Variants in RBFOX3 observed in about 807,000 individuals in gnomAD.
RBFOX3 encodes the protein RNA binding fox-1 homolog 3, also known as RNA binding protein fox-1 homolog 3.
A neutral mutation model predicts 48.7 loss-of-function variants in RBFOX3; 17 were observed. The observed-to-expected ratio is 0.35, with a 90% confidence interval of 0.24 to 0.52. RBFOX3 has a LOEUF of 0.52. Among genes scored for constraint, RBFOX3 ranks in the 20% least tolerant of loss-of-function variants. The pLI is 0.94. For missense variants in RBFOX3, 382 were observed against 497.5 expected, an observed-to-expected ratio of 0.77 and a Z score of 2.21; for synonymous variants, 212 against 209.5, an observed-to-expected ratio of 1.01 and a Z score of -0.10.
At chr17:79,258,153 A>G (rs980240007) in intron 3 of RBFOX3, among the ~76,000 whole-genome samples, 5 of 152,146 alleles carry the variant, frequency 3.3e-5, no homozygotes, top group African/African-American at 1.2e-4. Context: ...AGAAGAACCT[A>G]TTTCTGCTTT....
At chr17:79,328,648 T>G (rs2079716769) in intron 2 of RBFOX3, among the ~76,000 whole-genome samples, 2 of 152,160 alleles carry the variant, frequency 1.3e-5, no homozygotes, top group Non-Finnish European at 2.9e-5. Context: ...AGTGCACTTC[T>G]TGACAAGACC....
intron 4 of RBFOX3, among the ~76,000 whole-genome samples, chr17:79,151,442 CGAG>C (rs63146461): frequency 0.15 from 1,696 of 11,116 alleles, 100 homozygotes; most frequent in Middle Eastern, 0.27. Context: ...GGAGGGGAGG[CGAG>C]GATGGGAGGG....
chr17:79,408,602 C>T (rs2063863691), intron 2 of RBFOX3, among the ~76,000 whole-genome samples: 1 of 152,146 alleles, frequency 6.6e-6, no homozygotes, highest in Non-Finnish European at 1.5e-5. Flanking sequence ...TAAGGGGGTG[C>T]TGGATGGAAG....
the RBFOX3 span, among the ~76,000 whole-genome samples, chr17:79,649,902 G>A: frequency 6.6e-6 from 1 of 151,940 alleles, no homozygotes; most frequent in Admixed American, 6.6e-5. Flanking sequence ...CAGGGAGGGA[G>A]GCGCTACCCA....
chr17:79,625,848 C>T, the RBFOX3 span, among the ~76,000 whole-genome samples: 2 of 152,184 alleles, frequency 1.3e-5, no homozygotes, highest in African/African-American at 2.4e-5. Context: ...CACTCTCACT[C>T]GCCCACACAC....
At position 79,392,153 on chromosome 17, in the gene RBFOX3, C is replaced by T. The variant is rs1352395013; in HGVS notation, c.-174-84329G>A. ...CTCTGTGAAATGGAGCCAACAACAGCACATCACAGAGCTAACAGTAAAGAA... is the reference window on the plus strand; with the variant it reads ...CTCTGTGAAATGGAGCCAACAACAGTACATCACAGAGCTAACAGTAAAGAA... On this transcript the variant is annotated intron_variant, in intron 2 of 14. Transcript: ENST00000693108. The surrounding 1 kb of genome is among the most constrained non-coding windows in gnomAD (Gnocchi z 5.0). 6.6e-6 allele frequency among the ~76,000 whole-genome samples: 1 copy of T among 152,190 alleles called. No individual in the cohort carries two copies. Among genetic ancestry groups the T allele is most frequent in the Non-Finnish European group, 1.5e-5 (1 of 68,034 alleles).
At chr17:79,202,644 C>G (rs1041340390) in intron 4 of RBFOX3, among the ~76,000 whole-genome samples, 1 of 152,262 alleles carries the variant, frequency 6.6e-6, no homozygotes, top group Admixed American at 6.5e-5. Flanking sequence ...AGACACCACC[C>G]CAGTCCCACC....
the RBFOX3 span, among the ~76,000 whole-genome samples, chr17:79,656,733 GA>G: frequency 0.013 from 1,468 of 109,418 alleles, 21 homozygotes; most frequent in African/African-American, 0.032. Flanking sequence ...CAGAAAGAAA[GA>G]AAAGAAAGAA....
intron 8 of RBFOX3, among the ~76,000 whole-genome samples, chr17:79,102,178 G>A (rs969414787): frequency 1.3e-5 from 2 of 152,222 alleles, no homozygotes; most frequent in Admixed American, 6.5e-5. Flanking sequence ...AGGGAGGGGG[G>A]CTCTGGGCAC....
intron 1 of RBFOX3, among the ~76,000 whole-genome samples, chr17:79,597,042 C>G (rs1032728385): frequency 6.6e-6 from 1 of 152,162 alleles, no homozygotes; most frequent in Non-Finnish European, 1.5e-5. Flanking sequence ...CACCCCTGGC[C>G]GAGGCCTCCC....
chr17:79,335,627 G>A (rs888593562), intron 2 of RBFOX3, among the ~76,000 whole-genome samples: 4 of 152,160 alleles, frequency 2.6e-5, no homozygotes, highest in Non-Finnish European at 4.4e-5. Context: ...CCCAGCCTCC[G>A]CCATCTGGCT....
intron 1 of RBFOX3, among the ~76,000 whole-genome samples, chr17:79,594,404 T>C (rs2093511038): frequency 6.6e-6 from 1 of 152,142 alleles, no homozygotes; most frequent in Non-Finnish European, 1.5e-5. Context: ...AGGAAAGAGA[T>C]GGAAATGGCT....
chr17:79,651,094 G>A, the RBFOX3 span, among the ~76,000 whole-genome samples: 3 of 152,174 alleles, frequency 2.0e-5, no homozygotes, highest in South Asian at 2.1e-4. Flanking sequence ...CCAAACACAC[G>A]CACTGCAGGA....
chr17:79,476,752 A>AG (rs2077825762), intron 2 of RBFOX3, among the ~76,000 whole-genome samples: 1 of 152,122 alleles, frequency 6.6e-6, no homozygotes, highest in Non-Finnish European at 1.5e-5. Flanking sequence ...TGGCAGAATT[A>AG]GGGGGTCTGG....
chr17:79,100,007 G>A (rs1646243728), intron 9 of RBFOX3: 1 of 152,272 alleles, frequency 6.6e-6, no homozygotes, highest in African/African-American at 2.4e-5. Flanking sequence ...TCTGTGCCCA[G>A]GCTGATGAAG....
intron 1 of RBFOX3, among the ~76,000 whole-genome samples, chr17:79,555,737 T>G (rs2091687059): frequency 1.3e-5 from 2 of 152,354 alleles, no homozygotes; most frequent in Middle Eastern, 3.4e-3. Context: ...GTGATGGTGA[T>G]TATGATAGTA....
chr17:79,415,560 C>T (rs968527270), intron 2 of RBFOX3, among the ~76,000 whole-genome samples: 1 of 152,196 alleles, frequency 6.6e-6, no homozygotes, highest in Non-Finnish European at 1.5e-5. Context: ...TGCATGCAGG[C>T]AGCCCCAAGC....
the RBFOX3 span, among the ~76,000 whole-genome samples, chr17:79,658,204 G>T: frequency 6.6e-6 from 1 of 152,134 alleles, no homozygotes; most frequent in Non-Finnish European, 1.5e-5. Context: ...GAAGCATGGA[G>T]TCACTCTGTT....
At chr17:79,542,039 C>CTTT (rs34678698) in intron 1 of RBFOX3, among the ~76,000 whole-genome samples, 1 of 145,836 alleles carries the variant, frequency 6.9e-6, no homozygotes, top group Non-Finnish European at 1.5e-5. Context: ...GAGCGTCGAC[C>CTTT]TTTTTTTTTT....
Sources: gnomAD v4.1 joint callset for allele counts (sites outside exome capture counted in the v4.1 genomes callset) on GRCh38, gnomAD v4.1.1 for gene constraint, Gnocchi (gnomAD v3.1) non-coding constraint, MANE v1.5 for transcripts, NCBI Gene and HGNC (gene_info 2026-07-23, HGNC 2026-07-21) for gene names.